Variants in DLG1 observed in about 807,000 individuals in gnomAD.
DLG1 encodes the protein discs large MAGUK scaffold protein 1, also known as disks large homolog 1.
A neutral mutation model predicts 123.4 loss-of-function variants in DLG1; 42 were observed. The ratio of observed to expected loss-of-function variants is 0.34; its 90% CI spans 0.27 to 0.44. DLG1 has a LOEUF of 0.44. Ranked by LOEUF, DLG1 falls within the 20% of genes least tolerant of loss-of-function variation. The pLI is 1.00. For synonymous variants in DLG1, 317 were observed against 356.2 expected, an observed-to-expected ratio of 0.89 and a Z score of 1.24; for missense variants, 942 against 1,082.6, an observed-to-expected ratio of 0.87 and a Z score of 1.82.
chr3:197,138,311 T>A lies in DLG1; in HGVS notation c.794A>T (p.Glu265Val), dbSNP rs765421513. Reference protein sequence around the residue: ...THSKAVEALKEAGSIVRLYVK... With the variant: ...THSKAVEALKVAGSIVRLYVK... ...ATACAAGCGTACAATAGACCCTGCTTCTTTCAACGCTTCAACTGCTTTGCT... is the reference window on the plus strand; with the variant it reads ...ATACAAGCGTACAATAGACCCTGCTACTTTCAACGCTTCAACTGCTTTGCT... The change falls in exon 9 of 25, where the codon GAA becomes GTA. Residue 265 changes from glutamate (E) to valine (V), a missense_variant. Transcript: ENST00000667157. 3 of 1,603,578 alleles carry A rather than the reference T, an allele frequency of 1.9e-6. No homozygotes were observed. The South Asian group carries it at 3.3e-5, about 18-fold the overall frequency.
chr3:197,104,204 T>G (rs1374921938), intron 14 of DLG1, among the ~76,000 whole-genome samples: 2 of 152,210 alleles, frequency 1.3e-5, no homozygotes, highest in African/African-American at 2.4e-5. Context: ...CTAATTTTTT[T>G]GGGCATTATT....
At chr3:197,233,536 A>G (rs892948825) in intron 4 of DLG1, among the ~76,000 whole-genome samples, 1 of 152,090 alleles carries the variant, frequency 6.6e-6, no homozygotes, top group Admixed American at 6.5e-5. Flanking sequence ...ACAGGTGCGC[A>G]CCACGATGCC....
intron 5 of DLG1, among the ~76,000 whole-genome samples, chr3:197,157,611 A>G (rs1333934956): frequency 1.3e-5 from 2 of 152,354 alleles, no homozygotes; most frequent in East Asian, 1.9e-4. Context: ...AAAAATGTCA[A>G]TATTACCCAA....
At chr3:197,174,836 TTC>T (rs965808797) in intron 5 of DLG1, among the ~76,000 whole-genome samples, 1 of 152,228 alleles carries the variant, frequency 6.6e-6, no homozygotes, top group Non-Finnish European at 1.5e-5. Flanking sequence ...TAATCCCCAA[TTC>T]TTTTTCTCAG....
chr3:197,189,344 AACTT>A (rs1328842104), intron 5 of DLG1, among the ~76,000 whole-genome samples: 1 of 152,234 alleles, frequency 6.6e-6, no homozygotes, highest in African/African-American at 2.4e-5. Flanking sequence ...AATTTTTAAA[AACTT>A]GATACATCAT....
At chr3:197,074,684 T>TA (rs1308999246) in intron 18 of DLG1, among the ~76,000 whole-genome samples, 6 of 152,090 alleles carry the variant, frequency 3.9e-5, no homozygotes, top group Non-Finnish European at 8.8e-5. Flanking sequence ...CTGTGGCCCT[T>TA]ACTAAATCCT....
At chr3:197,113,104 T>A (rs1411743273) in intron 13 of DLG1, among the ~76,000 whole-genome samples, 1 of 152,234 alleles carries the variant, frequency 6.6e-6, no homozygotes, top group African/African-American at 2.4e-5. Flanking sequence ...TAATTTTATA[T>A]ACAGATATCT....
intron 3 of DLG1, among the ~76,000 whole-genome samples, chr3:197,289,308 A>G (rs1318549609): frequency 6.6e-6 from 1 of 151,304 alleles, no homozygotes; most frequent in Non-Finnish European, 1.5e-5. Flanking sequence ...GTTTTGCAAA[A>G]TGAAGGTGGG....
intron 4 of DLG1, among the ~76,000 whole-genome samples, chr3:197,228,775 C>G (rs1054120312): frequency 6.6e-6 from 1 of 151,928 alleles, no homozygotes; most frequent in African/African-American, 2.4e-5. Flanking sequence ...CCAAATAGTA[C>G]CTATCAAACT....
intron 4 of DLG1, among the ~76,000 whole-genome samples, chr3:197,233,292 A>G (rs1744208643): frequency 2.0e-5 from 3 of 152,232 alleles, no homozygotes; most frequent in Admixed American, 1.3e-4. Context: ...GATGATTTAA[A>G]TAAATAGATG....
intron 4 of DLG1, among the ~76,000 whole-genome samples, chr3:197,273,251 TTTTTA>T (rs1470239492): frequency 1.3e-5 from 2 of 150,158 alleles, no homozygotes; most frequent in African/African-American, 2.5e-5. Context: ...TTTATTTTTA[TTTTTA>T]TTTTTTTTTG....
chr3:197,058,011 G>A (rs1022049574), intron 23 of DLG1, among the ~76,000 whole-genome samples: 7 of 149,632 alleles, frequency 4.7e-5, no homozygotes, highest in African/African-American at 1.7e-4. Context: ...ACAGGGTCTC[G>A]CTCTGTCACC....
intron 4 of DLG1, among the ~76,000 whole-genome samples, chr3:197,257,412 C>A (rs555503594): frequency 1.3e-5 from 2 of 152,254 alleles, no homozygotes; most frequent in African/African-American, 4.8e-5. Context: ...CATACATTTT[C>A]TTTACCCATA....
In DLG1 at chr3:197,136,646, T is replaced by G; in HGVS notation, c.916A>C (p.Asn306His). ...LGFSIAGGVGNQHIPGDNSIY... is the reference protein window; with the variant it reads ...LGFSIAGGVGHQHIPGDNSIY... ...CTATTATCCCCAGGAATATGCTGATTTCCAACACCTCCAGCAATGCTAAAC... is the reference window on the plus strand; with the variant it reads ...CTATTATCCCCAGGAATATGCTGATGTCCAACACCTCCAGCAATGCTAAAC... Residue 306 changes from asparagine (N) to histidine (H), a missense_variant, in exon 10 of 25, where the codon AAT becomes CAT. By Grantham distance (68) the Asn-to-His change is moderately conservative. Coordinates refer to ENST00000667157, the MANE Select transcript of DLG1 (RefSeq NM_001366207.1). The G allele has an allele frequency of 6.2e-7, 1 of 1,613,326 alleles. No homozygotes were observed. The highest frequency in any genetic ancestry group is 8.5e-7 in the Non-Finnish European group (1 of 1,179,720).
chr3:197,283,408 A>C (rs761679769), intron 3 of DLG1, among the ~76,000 whole-genome samples: 1 of 152,192 alleles, frequency 6.6e-6, no homozygotes, highest in Non-Finnish European at 1.5e-5. Flanking sequence ...GGGCTTTCGG[A>C]TATCCTCTAG....
At chr3:197,292,653 G>T (rs1775510140) in intron 3 of DLG1, among the ~76,000 whole-genome samples, 1 of 152,154 alleles carries the variant, frequency 6.6e-6, no homozygotes, top group Non-Finnish European at 1.5e-5. Context: ...CCTTTTATAA[G>T]GGCTAGTGAA....
rs1286036842 is a variant in DLG1, at chr3:197,209,527, TTAAC to T, written c.319-14942_319-14939del. Among the ~76,000 whole-genome samples the T allele has an allele frequency of 2.0e-5, 3 of 146,542 alleles. No homozygotes were observed. The East Asian group carries it at 5.9e-4, about 29-fold the overall frequency. On this transcript the variant is annotated intron_variant, in intron 4 of 24. Transcript: ENST00000667157. ...CAAAGTATCAACTGTCTTGACCTAATTAACATTTATGATAAACAACACTTAACAA... is the reference window on the plus strand; with the variant it reads ...CAAAGTATCAACTGTCTTGACCTAATATTTATGATAAACAACACTTAACAA...
At position 197,066,717 on chromosome 3, in the gene DLG1, C is replaced by A. The variant is rs1739850969; in HGVS notation, c.2085G>T (p.Val695=). ...QEEYVLSYEP[V]NQQEVNYTRP... ...GGCTTCACAAACCTTCTTGTTGATT[C>A]ACTGGTTCATAAGATAAGACGTATT... is the stretch of plus-strand genomic sequence containing the variant. The change falls in exon 20 of 25, where the codon GTG becomes GTT. Residue 695 remains valine, a synonymous_variant. Coordinates refer to ENST00000667157, the MANE Select transcript of DLG1 (RefSeq NM_001366207.1). 1 of 1,604,788 alleles carries A rather than the reference C, an allele frequency of 6.2e-7. No homozygotes were observed. Among genetic ancestry groups the A allele is most frequent in the African/African-American group, 1.3e-5 (1 of 74,750 alleles).
At chr3:197,232,588 T>C (rs775150768) in intron 4 of DLG1, among the ~76,000 whole-genome samples, 1 of 152,230 alleles carries the variant, frequency 6.6e-6, no homozygotes, top group South Asian at 2.1e-4. Context: ...GATCCAAATC[T>C]TGAACATTCA....
Sources: gnomAD v4.1 joint callset for allele counts (sites outside exome capture counted in the v4.1 genomes callset) on GRCh38, gnomAD v4.1.1 for gene constraint, MANE v1.5 for transcripts, NCBI Gene and HGNC (gene_info 2026-07-23, HGNC 2026-07-21) for gene names.